The following TMEM245 variants were observed in gnomAD, a reference collection of about 807,000 sequenced individuals.
TMEM245 encodes protein CG-2.
A neutral mutation model predicts 101.2 loss-of-function variants in TMEM245; 69 were observed. The ratio of observed to expected loss-of-function variants is 0.68; its 90% CI spans 0.56 to 0.83. TMEM245 has a LOEUF of 0.83. Ranked by LOEUF, TMEM245 falls within the 40% of genes least tolerant of loss-of-function variation. The pLI, the probability that TMEM245 is intolerant of heterozygous loss-of-function variation, is 0.00. For synonymous variants in TMEM245, 537 were observed against 449.8 expected, an observed-to-expected ratio of 1.19 and a Z score of -2.45; for missense variants, 1,075 against 1,092.8, an observed-to-expected ratio of 0.98 and a Z score of 0.23.
intron 14 of TMEM245, among the ~76,000 whole-genome samples, chr9:109,041,958 C>T (rs891442804): frequency 2.8e-4 from 42 of 152,026 alleles, no homozygotes; most frequent in African/African-American, 9.9e-4. Context: ...GGGAAAACCC[C>T]GTCTCTACTA....
rs1246382707 is a variant in TMEM245, at chr9:109,015,294, T to G, written c.*5166A>C. The G allele has an allele frequency of 6.6e-6, 1 of 152,226 alleles. No individual in the cohort carries two copies. The highest frequency in any genetic ancestry group is 2.4e-5 in the African/African-American group (1 of 41,464). 9.4% of individuals were successfully genotyped at this position (152,226 alleles called of 1,614,324 possible). A position where few individuals can be genotyped will look rare whatever the true frequency, so the allele number is the denominator to read the frequency against. ...GGGTATTTATTGTATTCGAATATTCTTTTTTACTTTTGAATTGCCTCCTTC... is the reference window on the plus strand; with the variant it reads ...GGGTATTTATTGTATTCGAATATTCGTTTTTACTTTTGAATTGCCTCCTTC... On this transcript the variant is annotated 3_prime_UTR_variant, in exon 18 of 18. Coordinates refer to ENST00000374586, the MANE Select transcript of TMEM245 (RefSeq NM_032012.4).
intron 3 of TMEM245, among the ~76,000 whole-genome samples, chr9:109,104,210 A>C (rs1830349604): frequency 6.6e-6 from 1 of 152,246 alleles, no homozygotes; most frequent in African/African-American, 2.4e-5. Flanking sequence ...TATTTATAAC[A>C]AAGGATAAAT....
intron 2 of TMEM245, 131 bp from the exon 3 acceptor site, chr9:109,106,740 A>T: frequency 4.8e-6 from 3 of 620,778 alleles, no homozygotes; most frequent in Non-Finnish European, 8.0e-6. Flanking sequence ...ATCAGGCAAA[A>T]AAAAAAAAAT....
intron 14 of TMEM245, among the ~76,000 whole-genome samples, chr9:109,048,478 A>C (rs181853254): frequency 1.3e-5 from 2 of 152,330 alleles, no homozygotes; most frequent in East Asian, 3.9e-4. Flanking sequence ...AGTTCCAGAC[A>C]ATATTTATTA....
intron 8 of TMEM245, among the ~76,000 whole-genome samples, chr9:109,074,119 C>T (rs936436323): frequency 2.6e-5 from 4 of 152,164 alleles, no homozygotes; most frequent in African/African-American, 9.6e-5. Flanking sequence ...CTTGGCCTCC[C>T]AAAGTGCTAG....
intron 7 of TMEM245, among the ~76,000 whole-genome samples, chr9:109,083,059 G>C (rs567661654): frequency 1.3e-5 from 2 of 151,342 alleles, no homozygotes; most frequent in South Asian, 4.2e-4. Flanking sequence ...GTGGGAAAGA[G>C]AAACAGAGAC....
At chr9:109,116,178 T>C (rs1342747140) in intron 1 of TMEM245, among the ~76,000 whole-genome samples, 3 of 152,196 alleles carry the variant, frequency 2.0e-5, no homozygotes, top group Non-Finnish European at 4.4e-5. Flanking sequence ...TCTGCCTCTC[T>C]CATCTATACT....
chr9:109,080,371 G>A (rs540623562), intron 8 of TMEM245, among the ~76,000 whole-genome samples: 18 of 152,098 alleles, frequency 1.2e-4, no homozygotes, highest in African/African-American at 4.1e-4. Flanking sequence ...AGATGAAAAT[G>A]GGGAAAGGAA....
intron 5 of TMEM245, among the ~76,000 whole-genome samples, chr9:109,090,566 A>C (rs1267564891): frequency 6.6e-6 from 1 of 150,606 alleles, no homozygotes; most frequent in Non-Finnish European, 1.5e-5. Context: ...ACTAAAAATA[A>C]AAAAAAAATT....
chr9:109,095,551 G>A (rs1830117188), intron 3 of TMEM245, among the ~76,000 whole-genome samples: 1 of 152,150 alleles, frequency 6.6e-6, no homozygotes, highest in South Asian at 2.1e-4. Flanking sequence ...GGCTGGAGAG[G>A]TAAGCCAGAT....
chr9:109,052,459 G>T (rs1159712290), intron 12 of TMEM245, among the ~76,000 whole-genome samples: 1 of 152,148 alleles, frequency 6.6e-6, no homozygotes, highest in Non-Finnish European at 1.5e-5. Context: ...AGCAGTTCTG[G>T]TTTTTGTCAT....
chr9:109,023,233 G>T (rs1035104571), intron 17 of TMEM245, among the ~76,000 whole-genome samples: 7 of 152,190 alleles, frequency 4.6e-5, no homozygotes, highest in Non-Finnish European at 1.0e-4. Flanking sequence ...GGAGGTGTGT[G>T]TATCTACAGA....
chr9:109,022,467 TTATCTATCTATCTATC>T (rs35280235), intron 17 of TMEM245, among the ~76,000 whole-genome samples: 15 of 149,456 alleles, frequency 1.0e-4, no homozygotes, highest in South Asian at 2.2e-4. Context: ...TTTATATGCA[TTATCTATCTATCTATC>T]TATCTATCTA....
chr9:109,055,340 T>C (rs998120893), intron 12 of TMEM245, among the ~76,000 whole-genome samples: 2 of 148,548 alleles, frequency 1.3e-5, no homozygotes, highest in Non-Finnish European at 3.0e-5. Flanking sequence ...TCCAGGATAC[T>C]GGGTGGAACC....
intron 17 of TMEM245, among the ~76,000 whole-genome samples, chr9:109,030,956 T>C (rs893549561): frequency 8.5e-5 from 13 of 152,314 alleles, no homozygotes; most frequent in East Asian, 7.7e-4. Context: ...ATTAAATGCA[T>C]TGTCAGAACC....
intron 9 of TMEM245, among the ~76,000 whole-genome samples, chr9:109,072,159 G>A (rs1161301964): frequency 6.6e-6 from 1 of 151,060 alleles, no homozygotes; most frequent in Non-Finnish European, 1.5e-5. Context: ...AGAGGCCTCT[G>A]AGTAGAAAAG....
chr9:109,077,075 T>C (rs995634864), intron 8 of TMEM245, among the ~76,000 whole-genome samples: 2 of 151,136 alleles, frequency 1.3e-5, no homozygotes, highest in East Asian at 3.9e-4. Flanking sequence ...ATTTTTGTTA[T>C]AATATTATAT....
rs1277162749 is a variant in TMEM245 at position 109,017,454 on chromosome 9, A to C, written c.*3006T>G. On this transcript the variant is annotated 3_prime_UTR_variant, in exon 18 of 18. Coordinates refer to ENST00000374586, the MANE Select transcript of TMEM245 (RefSeq NM_032012.4). ...GATATTGATAGGAACTTCAGAACTC[A>C]AACAGCACTCACATAACATGGAATT... 2 of 152,234 alleles carry C rather than the reference A, an allele frequency of 1.3e-5. No homozygotes were observed. The highest frequency in any genetic ancestry group is 4.8e-5 in the African/African-American group (2 of 41,460). The allele number at this position is 152,234 out of a possible 1,614,324, so 9.4% of individuals were successfully genotyped here.
At chr9:109,068,632 G>C (rs527984332) in intron 9 of TMEM245, among the ~76,000 whole-genome samples, 29 of 152,226 alleles carry the variant, frequency 1.9e-4, no homozygotes, top group South Asian at 8.3e-4. Flanking sequence ...GTGAGACTCT[G>C]TGTCAAAACA....
Sources: allele counts gnomAD v4.1 joint callset (sites outside exome capture counted in the v4.1 genomes callset), GRCh38; gene constraint gnomAD v4.1.1; transcripts MANE v1.5; gene names NCBI Gene and HGNC (gene_info 2026-07-23, HGNC 2026-07-21).